The following CATSPER4 variants were observed in gnomAD, a reference collection of about 807,000 sequenced individuals.
CATSPER4 encodes cation channel sperm-associated protein 4.
A neutral mutation model predicts 54.4 loss-of-function variants in CATSPER4; 46 were observed. The ratio of observed to expected loss-of-function variants is 0.84; its 90% CI spans 0.67 to 1.08. The LOEUF (loss-of-function observed/expected upper bound fraction) is 1.08. Ranked by LOEUF, CATSPER4 falls within the 50% of genes least tolerant of loss-of-function variation. The pLI is 0.00. For missense variants in CATSPER4, 574 were observed against 612.8 expected, an observed-to-expected ratio of 0.94 and a Z score of 0.67; for synonymous variants, 230 against 231.9, an observed-to-expected ratio of 0.99 and a Z score of 0.08.
rs370621259 is a variant in CATSPER4 at position 26,200,067 on chromosome 1, G to T, written c.987+9G>T. 6 of 1,611,562 alleles carry T rather than the reference G, an allele frequency of 3.7e-6. No homozygotes were observed. Among genetic ancestry groups the T allele is most frequent in the Non-Finnish European group, 5.1e-6 (6 of 1,178,658 alleles). The stretch of plus-strand genomic sequence containing the variant: ...GAATAACCTTTAGTGAGGTGCGTGG[G>T]ATGGGGAGGGCAGAAGGGAGGAAAA... On this transcript the variant is annotated intron_variant, in intron 7 of 9. Transcript: ENST00000456354.
Position 26,198,072 on chromosome 1 carries a change from A to C in CATSPER4, c.673A>C (p.Met225Leu). The C allele has an allele frequency of 6.2e-7, 1 of 1,614,146 alleles. No homozygotes were observed. The highest frequency in any genetic ancestry group is 1.1e-5 in the South Asian group (1 of 91,084). Reference protein sequence around the residue: ...ANIMVLILFFMLVFSVFGVTL... With the variant: ...ANIMVLILFFLLVFSVFGVTL... ...TATCATGGTCCTCATCCTCTTCTTCATGCTGGTCAGTGCCTGCCCCCGCCC... is the reference window on the plus strand; with the variant it reads ...TATCATGGTCCTCATCCTCTTCTTCCTGCTGGTCAGTGCCTGCCCCCGCCC... Residue 225 changes from methionine (M) to leucine (L), a missense_variant, in exon 5 of 10, where the codon ATG becomes CTG. Transcript: ENST00000456354.
chr1:26,195,310 G>A (rs1461998405), intron 3 of CATSPER4, among the ~76,000 whole-genome samples: 1 of 152,100 alleles, frequency 6.6e-6, no homozygotes, highest in African/African-American at 2.4e-5. Flanking sequence ...TATAAAGAAA[G>A]GAGTTGTATT....
intron 8 of CATSPER4, 53 bp downstream of exon 8, chr1:26,201,094 G>T: frequency 7.0e-7 from 1 of 1,429,642 alleles, no homozygotes; most frequent in South Asian, 1.1e-5. Flanking sequence ...AGGCTGGGCG[G>T]AGCGTCAGAG....
At chr1:26,199,260 A>AC (rs1167978648) in intron 6 of CATSPER4, among the ~76,000 whole-genome samples, 1 of 151,926 alleles carries the variant, frequency 6.6e-6, no homozygotes, top group African/African-American at 2.4e-5. Flanking sequence ...AAAAGGTGAA[A>AC]CCCCGTCTCT....
chr1:26,198,472 G>T, intron 6 of CATSPER4, 53 bp downstream of exon 6: 2 of 1,610,634 alleles, frequency 1.2e-6, no homozygotes. Context: ...CAGGGTAGCC[G>T]GTGGAGCTCC....
intron 3 of CATSPER4, among the ~76,000 whole-genome samples, chr1:26,196,232 G>C (rs12732367): frequency 7.2e-6 from 1 of 139,168 alleles, no homozygotes; most frequent in African/African-American, 2.7e-5. Flanking sequence ...ATCCTCTCCC[G>C]CCAGCCTCTC....
intron 2 of CATSPER4, among the ~76,000 whole-genome samples, chr1:26,192,038 G>T (rs1486370240): frequency 6.6e-6 from 1 of 152,122 alleles, no homozygotes; most frequent in Non-Finnish European, 1.5e-5. Context: ...GAGAGGTGGG[G>T]GAGACTTTTT....
At chr1:26,199,480 T>C (rs1206794408) in intron 6 of CATSPER4, among the ~76,000 whole-genome samples, 3 of 149,674 alleles carry the variant, frequency 2.0e-5, no homozygotes, top group African/African-American at 7.4e-5. Context: ...GCACCTGTAG[T>C]CTCAGCTACT....
chr1:26,191,298 C>T lies in CATSPER4; in HGVS notation c.225C>T (p.Asp75=). 1.9e-6 allele frequency: 3 copies of T among 1,614,142 alleles called. No homozygotes were observed. The highest frequency in any genetic ancestry group is 2.5e-6 in the Non-Finnish European group (3 of 1,180,036). The change falls in exon 2 of 10, where the codon GAC becomes GAT. Residue 75 remains aspartate, a synonymous_variant. Transcript: ENST00000456354. The stretch of plus-strand genomic sequence containing the variant: ...CTGCCCTCTTCCAGGACGCCTGGGA[C>T]ATGCAGGAGTTCATCACTCACATGT... ...QEITNKADAW[D]MQEFITHMYI...
At chr1:26,198,244 CCCTTTGGTGAAGTCGGGG>C (rs765374087) in intron 5 of CATSPER4, 24 bp from the exon 6 acceptor site, 11 of 1,614,190 alleles carry the variant, frequency 6.8e-6, no homozygotes, top group Non-Finnish European at 6.8e-6. Context: ...TATTTCCAGG[CCCTTTGGTGAAGTCGGGG>C]TGGGGCTCTT....
intron 3 of CATSPER4, among the ~76,000 whole-genome samples, chr1:26,196,909 CTTTCT>C (rs1391276485): frequency 2.1e-5 from 2 of 97,244 alleles, no homozygotes; most frequent in African/African-American, 9.0e-5. Context: ...TCTTTCTTTT[CTTTCT>C]TTTTTTTTTT....
chr1:26,198,267 G>A lies in CATSPER4; in HGVS notation c.679-19G>A. The A allele has an allele frequency of 6.2e-7, 1 of 1,614,198 alleles. No individual in the cohort carries two copies. The highest frequency in any genetic ancestry group is 1.1e-5 in the South Asian group (1 of 91,088). On this transcript the variant is annotated intron_variant, in intron 5 of 9. Transcript: ENST00000456354. ...GGCCCTTTGGTGAAGTCGGGGTGGG[G>A]CTCTTTTCTCTCTGACAGGTTTTTT...
At chr1:26,191,180 C>T (rs998344315) in intron 1 of CATSPER4, 107 bp from the exon 2 acceptor site, 2 of 1,302,304 alleles carry the variant, frequency 1.5e-6, no homozygotes, top group Admixed American at 2.0e-5. Context: ...AGATGATTTC[C>T]CCCCTCTAGA....
chr1:26,199,739 A>C (rs2088984464), intron 6 of CATSPER4, 145 bp from the exon 7 acceptor site: 7 of 828,036 alleles, frequency 8.5e-6, no homozygotes. Flanking sequence ...CTATTGAGAC[A>C]GGAGTAGGGA....
Position 26,193,885 on chromosome 1 carries a change from G to A in CATSPER4, c.456G>A (p.Trp152Ter). 1 of 1,612,584 alleles carries A rather than the reference G, an allele frequency of 6.2e-7. No homozygotes were observed. Among genetic ancestry groups the A allele is most frequent in the Non-Finnish European group, 8.5e-7 (1 of 1,178,554 alleles). ...GGCTCAATGGCTTCTGGATTTTCTG[G>A]AAGGTGAGATCCTGAGCCCTTTGCC... The part of the protein sequence containing the change: ...LGWLNGFWIF[W>*]KDGWNILNFI... Residue 152 changes from tryptophan (W) to a stop codon, truncating the protein, a stop_gained, in exon 3 of 10, where the codon TGG becomes TGA. Transcript: ENST00000456354. LOFTEE classifies it high-confidence loss of function.
chr1:26,195,692 G>A (rs138816105), intron 3 of CATSPER4, among the ~76,000 whole-genome samples: 1,797 of 151,990 alleles, frequency 0.012, 29 homozygotes, highest in African/African-American at 0.039. Flanking sequence ...TAGTAGAGAC[G>A]GGGGTCTCAC....
intron 9 of CATSPER4, 36 bp from the exon 10 acceptor site, chr1:26,202,453 A>G (rs748915336): frequency 1.9e-6 from 3 of 1,586,132 alleles, no homozygotes; most frequent in East Asian, 2.2e-5. Flanking sequence ...TATCGGGGGG[A>G]GTGGGGGATT....
chr1:26,196,971 A>T (rs1182570649), intron 3 of CATSPER4, among the ~76,000 whole-genome samples: 2 of 144,856 alleles, frequency 1.4e-5, no homozygotes, highest in Non-Finnish European at 3.0e-5. Context: ...GCAGTGGCGC[A>T]ATCTTGGCTC....
chr1:26,198,894 C>G (rs1230772691), intron 6 of CATSPER4, among the ~76,000 whole-genome samples: 1 of 152,204 alleles, frequency 6.6e-6, no homozygotes, highest in African/African-American at 2.4e-5. Context: ...CCAGTTTATT[C>G]CAGAAAGTGG....
Sources: gnomAD v4.1 joint callset for allele counts (sites outside exome capture counted in the v4.1 genomes callset) on GRCh38, gnomAD v4.1.1 for gene constraint, MANE v1.5 for transcripts, NCBI Gene and HGNC (gene_info 2026-07-23, HGNC 2026-07-21) for gene names.